NSD2: variants seen among roughly 807,000 people sequenced by gnomAD.
The protein encoded by NSD2 is nuclear receptor binding SET domain protein 2.
In NSD2, 12 loss-of-function variants were observed where a neutral mutation model predicts 139.0. The observed-to-expected ratio is 0.09, with a 90% CI of 0.06 to 0.14. The LOEUF is 0.14. Ranked by LOEUF, NSD2 falls within the 10% of genes least tolerant of loss-of-function variation. The pLI is 1.00. For synonymous variants in NSD2, 669 were observed against 648.7 expected, an observed-to-expected ratio of 1.03 and a Z score of -0.48; for missense variants, 1,155 against 1,745.0, an observed-to-expected ratio of 0.66 and a Z score of 6.02.
chr4:1,872,633 A>AGAGAGAGAGAGAGCGAGC (rs1203166315), intron 1 of NSD2, among the ~76,000 whole-genome samples: 2 of 131,118 alleles, frequency 1.5e-5, no homozygotes, highest in South Asian at 5.2e-4. Flanking sequence ...AGAGAGAGAG[A>AGAGAGAGAGAGAGCGAGC]GAGCGCGCAG....
In NSD2 at chr4:1,942,922, C is replaced by G. The variant is rs866889331; in HGVS notation, c.1881+3144C>G. 9.5e-7 allele frequency: 1 copy of G among 1,056,422 alleles called. No individual in the cohort carries two copies. The allele number at this position is 1,056,422 out of a possible 1,614,324, so 65.4% of individuals were successfully genotyped here. A position where few individuals can be genotyped will look rare whatever the true frequency, so the allele number is the denominator to read the frequency against. On this transcript the variant is annotated intron_variant, in intron 9 of 21. Transcript: ENST00000508803. The surrounding 1 kb of genome is among the most constrained non-coding windows in gnomAD (Gnocchi z 4.0). ...ATAAGAGGCAGGAAGAGTTTTGATT[C>G]TATCCTTTTTTACTAAACAGTTTTA...
intron 3 of NSD2, among the ~76,000 whole-genome samples, chr4:1,912,853 C>T (rs1462952406): frequency 6.6e-6 from 1 of 152,120 alleles, no homozygotes; most frequent in Non-Finnish European, 1.5e-5. Context: ...CTTAGACTTT[C>T]TTTAAGCTGC....
chr4:1,951,513 CACACACACACAA>C (rs1489558520), intron 10 of NSD2, among the ~76,000 whole-genome samples: 35 of 126,356 alleles, frequency 2.8e-4, no homozygotes, highest in Non-Finnish European at 4.1e-4. Context: ...CACACACACA[CACACACACACAA>C]AGTTCCTGTT....
rs1723170430 is a variant in NSD2, at chr4:1,942,181, T to C, written c.1881+2403T>C. The C allele has an allele frequency of 5.2e-6, 7 of 1,344,020 alleles. No homozygotes were observed. Among genetic ancestry groups the C allele is most frequent in the African/African-American group, 1.5e-5 (1 of 68,028 alleles). 83.3% of individuals were successfully genotyped at this position (1,344,020 alleles called of 1,614,324 possible). On this transcript the variant is annotated intron_variant, in intron 9 of 21. Coordinates refer to ENST00000508803, the MANE Select transcript of NSD2 (RefSeq NM_001042424.3). The surrounding 1 kb of genome is among the most constrained non-coding windows in gnomAD (Gnocchi z 4.0). ...AATTTTTATTGGAATAATTATTACA[T>C]GGTACTACATCACCCTGAGGAAGAG...
intron 3 of NSD2, among the ~76,000 whole-genome samples, chr4:1,907,725 G>C (rs993627600): frequency 6.9e-6 from 1 of 144,878 alleles, no homozygotes; most frequent in African/African-American, 2.6e-5. Flanking sequence ...CAATTCTCCT[G>C]CCTCAGTCTC....
At chr4:1,907,615 C>CTTTTTTTTT (rs765535552) in intron 3 of NSD2, among the ~76,000 whole-genome samples, 5 of 93,632 alleles carry the variant, frequency 5.3e-5, no homozygotes, top group East Asian at 3.5e-4. Context: ...TGTTGAATCT[C>CTTTTTTTTT]TTTTTTTTTT....
intron 9 of NSD2, chr4:1,947,098 G>A: frequency 9.4e-7 from 1 of 1,065,080 alleles, no homozygotes; most frequent in Non-Finnish European, 1.1e-6. Context: ...GGGCAGTTTT[G>A]TCATTGTCCT....
At chr4:1,886,141 C>T (rs1577360276) in intron 1 of NSD2, among the ~76,000 whole-genome samples, 2 of 152,306 alleles carry the variant, frequency 1.3e-5, no homozygotes, top group South Asian at 2.1e-4. Context: ...TCAAAGGTGA[C>T]AGTCCCTGCT....
At chr4:1,897,367 C>T (rs999649788) in intron 1 of NSD2, among the ~76,000 whole-genome samples, 2 of 152,056 alleles carry the variant, frequency 1.3e-5, no homozygotes, top group South Asian at 2.1e-4. Context: ...CACCTATAGT[C>T]CCAGCTACTC....
chr4:1,915,506 G>T (rs1719268891), intron 3 of NSD2, among the ~76,000 whole-genome samples: 1 of 151,964 alleles, frequency 6.6e-6, no homozygotes, highest in Admixed American at 6.6e-5. Flanking sequence ...TTCTCTGTTG[G>T]GTATCTTCTC....
At chr4:1,904,670 G>T (rs530266625) in intron 3 of NSD2, among the ~76,000 whole-genome samples, 2 of 152,276 alleles carry the variant, frequency 1.3e-5, no homozygotes, top group South Asian at 4.1e-4. Context: ...CTTGTTTCAG[G>T]ATGATTTGCA....
chr4:1,960,435 T>C (rs1188535105), intron 17 of NSD2, among the ~76,000 whole-genome samples: 1 of 152,308 alleles, frequency 6.6e-6, no homozygotes, highest in East Asian at 1.9e-4. Context: ...ACCAGGACAG[T>C]TGACCTCCTG....
At chr4:1,920,304 G>C (rs890567370) in intron 5 of NSD2, among the ~76,000 whole-genome samples, 1 of 152,074 alleles carries the variant, frequency 6.6e-6, no homozygotes, top group Non-Finnish European at 1.5e-5. Flanking sequence ...ACAAGAATTA[G>C]CTGGGCATGG....
intron 1 of NSD2, among the ~76,000 whole-genome samples, chr4:1,895,894 G>C (rs964052765): frequency 6.6e-6 from 1 of 152,244 alleles, no homozygotes; most frequent in East Asian, 1.9e-4. Flanking sequence ...TGAGGGCCCA[G>C]CCCTGGGCTG....
chr4:1,954,858 C>T (rs1724638687), intron 12 of NSD2, among the ~76,000 whole-genome samples: 1 of 152,162 alleles, frequency 6.6e-6, no homozygotes, highest in Admixed American at 6.5e-5. Flanking sequence ...GTGCTCCTGG[C>T]ATCTAGTGAG....
Position 1,976,448 on chromosome 4 carries a change from T to C in NSD2, c.3622-27T>C. 1 of 1,606,290 alleles carries C rather than the reference T, an allele frequency of 6.2e-7. No homozygotes were observed. Among genetic ancestry groups the C allele is most frequent in the Non-Finnish European group, 8.5e-7 (1 of 1,176,410 alleles). ...CTTCAGCCTGTGTAATTCTTTCCGGTGATCTGTGCTTAATTCTTGACTCTA... is the reference window on the plus strand; with the variant it reads ...CTTCAGCCTGTGTAATTCTTTCCGGCGATCTGTGCTTAATTCTTGACTCTA... On this transcript the variant is annotated intron_variant, in intron 20 of 21. Coordinates refer to ENST00000508803, the MANE Select transcript of NSD2 (RefSeq NM_001042424.3). This position sits in a 1 kb window ranked among gnomAD's most constrained non-coding sequence, Gnocchi z 5.3.
Position 1,953,554 on chromosome 4 carries a change from G to A in NSD2, c.2338+30G>A, listed in dbSNP as rs1483871248. 3 of 1,573,516 alleles carry A rather than the reference G, an allele frequency of 1.9e-6. No individual in the cohort carries two copies. The East Asian group carries it at 6.7e-5, about 35-fold the overall frequency. On this transcript the variant is annotated intron_variant, in intron 12 of 21. Transcript: ENST00000508803. Reference sequence around the variant, plus strand: ...AGGTGCACCTGCGCAGCCTTGCTGTGGGTTCAGATGCAGGCCAGACGCAGG... The same window carrying A: ...AGGTGCACCTGCGCAGCCTTGCTGTAGGTTCAGATGCAGGCCAGACGCAGG...
chr4:1,951,013 C>A, intron 9 of NSD2, 59 bp from the exon 10 acceptor site: 1 of 1,597,664 alleles, frequency 6.3e-7, no homozygotes, highest in Non-Finnish European at 8.5e-7. Context: ...GCCTGCAGGG[C>A]ATGGCCACCC....
At position 1,898,650 on chromosome 4, in the gene NSD2, A is replaced by T. The variant is rs566955351; in HGVS notation, c.-29-1976A>T. Among the ~76,000 whole-genome samples, 3 of 143,048 alleles carry T rather than the reference A, an allele frequency of 2.1e-5. No individual in the cohort carries two copies. In the South Asian group the frequency reaches 6.5e-4, roughly 31 times the overall value. The allele number at this position is 143,048 out of a possible 152,430, so 93.8% of individuals were successfully genotyped here. The stretch of plus-strand genomic sequence containing the variant: ...AGTCCAACCTGGGTGACAGAGCGAG[A>T]CTCCGTCTAAAAAAAAAAAAACAAA... On this transcript the variant is annotated intron_variant, in intron 1 of 21. Coordinates refer to ENST00000508803, the MANE Select transcript of NSD2 (RefSeq NM_001042424.3).
Sources: gnomAD v4.1 joint callset for allele counts (sites outside exome capture counted in the v4.1 genomes callset) on GRCh38, gnomAD v4.1.1 for gene constraint, Gnocchi (gnomAD v3.1) non-coding constraint, MANE v1.5 for transcripts, NCBI Gene and HGNC (gene_info 2026-07-23, HGNC 2026-07-21) for gene names.